Variants in TTC3 observed in about 807,000 individuals in gnomAD.
TTC3 encodes tetratricopeptide repeat domain 3.
Under a neutral mutation model 249.6 loss-of-function variants are expected in TTC3, and 180 were observed. The observed-to-expected ratio is 0.72, with a 90% CI of 0.64 to 0.82. The LOEUF (loss-of-function observed/expected upper bound fraction) is 0.82. TTC3 is among the 40% of genes least tolerant of loss of function. The pLI, the probability that TTC3 is intolerant of heterozygous loss-of-function variation, is 0.00. For synonymous variants in TTC3, 717 were observed against 805.0 expected (o/e 0.89, Z 1.85); for missense variants, 2,061 against 2,398.4 (o/e 0.86, Z 2.94).
rs571037905 is a variant in TTC3, at chr21:37,094,910, G to A, written c.688-440G>A. Among the ~76,000 whole-genome samples the A allele has an allele frequency of 4.7e-3, 720 of 152,190 alleles. 9 individuals carry two copies. Among genetic ancestry groups the A allele is most frequent in the African/African-American group, 0.017 (690 of 41,510 alleles). ...GTACTTTGGGAGGTCGAGGTGGGAG[G>A]ATTGCTTGAGGTCAGAAGTTCAAGA... is the stretch of plus-strand genomic sequence containing the variant. On this transcript the variant is annotated intron_variant, in intron 8 of 45. Coordinates refer to ENST00000355666, the Ensembl canonical transcript of TTC3.
intron 12 of TTC3, 114 bp downstream of exon 12, chr21:37,122,093 A>G: frequency 2.0e-6 from 2 of 1,000,252 alleles, no homozygotes; most frequent in Non-Finnish European, 2.8e-6. Context: ...ATTTATCCTT[A>G]TTTTATCATG....
At chr21:37,180,750 T>TA (rs2082685035) in intron 35 of TTC3, among the ~76,000 whole-genome samples, 1 of 108,358 alleles carries the variant, frequency 9.2e-6, no homozygotes, top group Non-Finnish European at 1.8e-5. Flanking sequence ...CCCTAAAACT[T>TA]AAAGTATAAT....
intron 1 of TTC3, among the ~76,000 whole-genome samples, chr21:37,074,740 C>G (rs4817843): frequency 5.3e-5 from 8 of 151,850 alleles, no homozygotes; most frequent in African/African-American, 1.7e-4. Context: ...CTTCAAACCC[C>G]TTAGAGACCC....
chr21:37,140,902 T>C (rs780908274), intron 20 of TTC3, among the ~76,000 whole-genome samples: 1 of 152,232 alleles, frequency 6.6e-6, no homozygotes, highest in East Asian at 1.9e-4. Flanking sequence ...AAGTCAACAA[T>C]ATAGTAATTT....
At chr21:37,135,546 A>G (rs747114393) in intron 18 of TTC3, 32 bp downstream of exon 18, 21 of 1,602,666 alleles carry the variant, frequency 1.3e-5, no homozygotes, top group African/African-American at 4.0e-5. Flanking sequence ...TTGTTTATCA[A>G]TGCTAATGCA....
intron 11 of TTC3, among the ~76,000 whole-genome samples, chr21:37,112,596 G>A (rs539556920): frequency 9.2e-5 from 14 of 152,242 alleles, no homozygotes; most frequent in Non-Finnish European, 1.6e-4. Flanking sequence ...ATTCACAGCC[G>A]AATTCTACCA....
chr21:37,108,571 AG>A (rs1201771107), intron 11 of TTC3, 125 bp downstream of exon 11: 2 of 905,356 alleles, frequency 2.2e-6, no homozygotes, highest in Non-Finnish European at 3.3e-6. Flanking sequence ...AGAATGTGAA[AG>A]GGGAGTCATC....
intron 7 of TTC3, among the ~76,000 whole-genome samples, chr21:37,092,674 T>C (rs1204016666): frequency 6.6e-6 from 1 of 152,222 alleles, no homozygotes; most frequent in Non-Finnish European, 1.5e-5. Context: ...AATCTTACTC[T>C]GTCCCTTAGA....
chr21:37,087,828 T>G lies in TTC3; in HGVS notation c.145-5T>G. 1 of 1,588,804 alleles carries G rather than the reference T, an allele frequency of 6.3e-7. No homozygotes were observed. Among genetic ancestry groups the G allele is most frequent in the Non-Finnish European group, 8.6e-7 (1 of 1,164,286 alleles). On this transcript the variant is annotated splice_region_variant and splice_polypyrimidine_tract_variant and intron_variant, in intron 2 of 45. Transcript: ENST00000355666. The stretch of plus-strand genomic sequence containing the variant: ...CACAAATCAAAATAATTTTCTTCTT[T>G]TTAGGGTGTGCAATATAAAGATTAT...
chr21:37,137,525 G>A (rs1011876418), intron 18 of TTC3, among the ~76,000 whole-genome samples: 1 of 152,172 alleles, frequency 6.6e-6, no homozygotes, highest in African/African-American at 2.4e-5. Context: ...TGACTGAATT[G>A]CTGCAACCTC....
At chr21:37,115,704 A>C (rs1268851254) in intron 11 of TTC3, among the ~76,000 whole-genome samples, 1 of 152,054 alleles carries the variant, frequency 6.6e-6, no homozygotes, top group Non-Finnish European at 1.5e-5. Context: ...TGTTTCTCCA[A>C]CCTCACTGCT....
At chr21:37,155,213 T>C (rs574867894) in intron 27 of TTC3, among the ~76,000 whole-genome samples, 1 of 151,690 alleles carries the variant, frequency 6.6e-6, no homozygotes, top group African/African-American at 2.4e-5. Context: ...AAACGACTAT[T>C]GGGTGGACTT....
At chr21:37,172,536 A>G in intron 34 of TTC3, 59 bp from the exon 35 acceptor site, 1 of 1,529,830 alleles carries the variant, frequency 6.5e-7, no homozygotes, top group Non-Finnish European at 8.8e-7. Flanking sequence ...GTAAAGAACA[A>G]GATCATAAGT....
At chr21:37,155,330 A>G (rs1434592221) in intron 27 of TTC3, among the ~76,000 whole-genome samples, 1 of 152,150 alleles carries the variant, frequency 6.6e-6, no homozygotes, top group East Asian at 1.9e-4. Flanking sequence ...ATAATAGAGC[A>G]CTAGTGAGAT....
chr21:37,116,506 T>C (rs1158144374), intron 11 of TTC3, among the ~76,000 whole-genome samples: 1 of 152,198 alleles, frequency 6.6e-6, no homozygotes, highest in African/African-American at 2.4e-5. Context: ...AAAATATTTT[T>C]TTTTTAAGTG....
intron 40 of TTC3, 41 bp downstream of exon 40, chr21:37,191,465 G>T (rs895322119): frequency 1.2e-5 from 16 of 1,318,282 alleles, no homozygotes; most frequent in Non-Finnish European, 1.7e-5. Flanking sequence ...AAATCTTTAT[G>T]ATAGTTATAA....
intron 7 of TTC3, among the ~76,000 whole-genome samples, chr21:37,092,487 C>T (rs2073401134): frequency 6.6e-6 from 1 of 152,126 alleles, no homozygotes; most frequent in South Asian, 2.1e-4. Context: ...TTTTTACATT[C>T]TATTTTCTTT....
chr21:37,143,802 A>G (rs577241612), intron 20 of TTC3, among the ~76,000 whole-genome samples: 1 of 126,054 alleles, frequency 7.9e-6, no homozygotes, highest in South Asian at 2.8e-4. Context: ...ACATATGTTT[A>G]TTGCGGCACT....
chr21:37,082,632 C>G (rs1169881325), intron 1 of TTC3: 1 of 985,220 alleles, frequency 1.0e-6, no homozygotes, highest in African/African-American at 1.7e-5. Context: ...ATTTCTAGCT[C>G]AAGGTTTGTT....
Sources: gnomAD v4.1 joint callset for allele counts (sites outside exome capture counted in the v4.1 genomes callset) on GRCh38, gnomAD v4.1.1 for gene constraint, MANE v1.5 for transcripts, NCBI Gene and HGNC (gene_info 2026-07-23, HGNC 2026-07-21) for gene names.